The following RAG1 variants were observed in gnomAD, a reference collection of about 807,000 sequenced individuals.
RAG1 encodes the protein recombination activating 1.
RAG1 carries 35 observed loss-of-function variants against 62.7 expected under a neutral mutation model. That is an observed-to-expected ratio of 0.56 (90% CI 0.43 to 0.74). The LOEUF is 0.74. RAG1 is among the 30% of genes least tolerant of loss of function. The pLI, the probability that RAG1 is intolerant of heterozygous loss-of-function variation, is 0.00. For missense variants in RAG1, 1,169 were observed against 1,278.6 expected, an observed-to-expected ratio of 0.91 and a Z score of 1.31; for synonymous variants, 461 against 470.3, an observed-to-expected ratio of 0.98 and a Z score of 0.26.
chr11:36,538,460 G>A (rs1264471476), downstream of RAG1, among the ~76,000 whole-genome samples: 2 of 152,142 alleles, frequency 1.3e-5, no homozygotes, highest in Non-Finnish European at 2.9e-5. Context: ...TATTCGATAG[G>A]TTATTATTTG....
chr11:36,559,159 C>T (rs1590690422), intron 3 of RAG1, among the ~76,000 whole-genome samples: 1 of 152,128 alleles, frequency 6.6e-6, no homozygotes, highest in African/African-American at 2.4e-5. Context: ...AGCACTTTGA[C>T]TATATTATCA....
chr11:36,572,469 C>G (rs1850763064), intron 1 of RAG1, among the ~76,000 whole-genome samples: 1 of 152,170 alleles, frequency 6.6e-6, no homozygotes, highest in African/African-American at 2.4e-5. Context: ...TGCTAATGAC[C>G]ATCGACCAAC....
Position 36,548,335 on chromosome 11 carries a change from G to T in RAG1, c.-412+12301G>T, listed in dbSNP as rs577798473. On this transcript the variant is annotated intron_variant and NMD_transcript_variant, in intron 3 of 9. Coordinates refer to the RAG1 transcript ENST00000534663. ...AGATGGGAAGAGAGGAAGTCAAATT[G>T]TCTCTGTTTGCAGATGACATGATTG... is the stretch of plus-strand genomic sequence containing the variant. Among the ~76,000 whole-genome samples, 72 of 152,294 alleles carry T rather than the reference G, an allele frequency of 4.7e-4. No homozygotes were observed. The South Asian group carries it at 0.015, about 31-fold the overall frequency.
chr11:36,549,597 T>G (rs1452054657), intron 3 of RAG1, among the ~76,000 whole-genome samples: 1 of 152,166 alleles, frequency 6.6e-6, no homozygotes, highest in Non-Finnish European at 1.5e-5. Context: ...ATGGCGATCA[T>G]TAAAACGTCA....
At chr11:36,537,404 C>G (rs1159282591), downstream of RAG1, among the ~76,000 whole-genome samples, 1 of 152,112 alleles carries the variant, frequency 6.6e-6, no homozygotes, top group Non-Finnish European at 1.5e-5. Context: ...GGTGTATATA[C>G]ATGTCAAAAC....
intron 2 of RAG1, among the ~76,000 whole-genome samples, chr11:36,535,635 T>C (rs1441982056): frequency 6.6e-6 from 1 of 152,054 alleles, no homozygotes; most frequent in Non-Finnish European, 1.5e-5. Flanking sequence ...TCCCAGCTAC[T>C]CAGGAGGCTG....
chr11:36,534,648 A>G lies in RAG1; in HGVS notation n.429-1311A>G, dbSNP rs115080795. Among the ~76,000 whole-genome samples the G allele has an allele frequency of 1.8e-3, 280 of 152,346 alleles. 1 individual carries two copies. The highest frequency in any genetic ancestry group is 6.3e-3 in the African/African-American group (264 of 41,582). ...GAAATAGATTCTACTTCTTGTTGAG[A>G]GGATGTGCAAAGTTACATTGCAAAA... On this transcript the variant is annotated intron_variant and non_coding_transcript_variant, in intron 2 of 2. Coordinates refer to the RAG1 transcript ENST00000529126.
At chr11:36,560,613 A>G (rs1313355410) in intron 3 of RAG1, among the ~76,000 whole-genome samples, 1 of 152,052 alleles carries the variant, frequency 6.6e-6, no homozygotes, top group Non-Finnish European at 1.5e-5. Context: ...ACCCAGCATG[A>G]TTTCCTACTC....
chr11:36,521,799 G>A (rs1345024578), intron 2 of RAG1, among the ~76,000 whole-genome samples: 1 of 152,182 alleles, frequency 6.6e-6, no homozygotes, highest in Non-Finnish European at 1.5e-5. Flanking sequence ...GGCTGAGGTG[G>A]TATCAGATGG....
rs1269525736 is a variant in RAG1 at position 36,575,143 on chromosome 11, G to C, written c.1839G>C (p.Gly613=). The change falls in exon 2 of 2, where the codon GGG becomes GGC. Residue 613 remains glycine (G), a synonymous_variant. Coordinates refer to ENST00000299440, the MANE Select transcript of RAG1 (RefSeq NM_000448.3). This position sits in a 1 kb window ranked among gnomAD's most constrained non-coding sequence, Gnocchi z 4.1. The stretch of plus-strand genomic sequence containing the variant: ...TGGGAGACGTGAGTGAGAAGCATGG[G>C]AGTGGGCCTGTAGTTCCAGAAAAGG... The part of the protein sequence containing the change: ...DGMGDVSEKH[G]SGPVVPEKAV... 1 of 1,614,056 alleles carries C rather than the reference G, an allele frequency of 6.2e-7. No individual in the cohort carries two copies. Among genetic ancestry groups the C allele is most frequent in the Non-Finnish European group, 8.5e-7 (1 of 1,180,024 alleles).
intron 1 of RAG1, among the ~76,000 whole-genome samples, chr11:36,516,703 T>C (rs190273151): frequency 1.3e-5 from 2 of 152,340 alleles, no homozygotes; most frequent in Non-Finnish European, 2.9e-5. Flanking sequence ...TCTTTGTACC[T>C]TCCCTTCTGG....
At position 36,574,887 on chromosome 11, in the gene RAG1, A is replaced by G; in HGVS notation, c.1583A>G (p.Asn528Ser). ...TTTGAGTGGCAGCCACCTCTGAAGA[A>G]TGTGTCTTCCAGCACTGATGTTGGC... Reference protein sequence around the residue: ...HHFEWQPPLKNVSSSTDVGII... With the variant: ...HHFEWQPPLKSVSSSTDVGII... Residue 528 changes from asparagine to serine, a missense_variant, in exon 2 of 2, where the codon AAT (asparagine) becomes AGT (serine). Transcript: ENST00000299440. 6.2e-7 allele frequency: 1 copy of G among 1,614,216 alleles called. No individual in the cohort carries two copies. Among genetic ancestry groups the G allele is most frequent in the Non-Finnish European group, 8.5e-7 (1 of 1,180,034 alleles).
At chr11:36,514,240 A>G (rs890470017) in intron 1 of RAG1, among the ~76,000 whole-genome samples, 1 of 152,212 alleles carries the variant, frequency 6.6e-6, no homozygotes. Context: ...CAATCTCACA[A>G]GAGACCCTAA....
At position 36,531,102 on chromosome 11, in the gene RAG1, ATTTTC is replaced by A. The variant is rs774071096; in HGVS notation, n.429-4853_429-4849del. 2.0e-4 allele frequency among the ~76,000 whole-genome samples: 31 copies of A among 151,450 alleles called. 1 individual carries two copies. The highest frequency in any genetic ancestry group is 4.0e-4 in the Non-Finnish European group (27 of 67,760). On this transcript the variant is annotated intron_variant and non_coding_transcript_variant, in intron 2 of 2. Transcript: ENST00000529126. ...ATAAGCTCCCTCTTTGTGTTTGGTA[ATTTTC>A]TTTACTTTGCATCTATTTTATCTGC...
rs376901369 is a variant in RAG1, at chr11:36,574,602, T to C, written c.1298T>C (p.Val433Ala). The change falls in exon 2 of 2, where the codon GTG (valine) becomes GCG (alanine). Residue 433 changes from valine to alanine, a missense_variant. Physicochemically the swap from Val to Ala is moderately conservative, Grantham distance 64. Around this residue, in one of 2 missense-constraint regions of RAG1, gnomAD observed 800 missense variants for 943.3 expected, o/e 0.85. Transcript: ENST00000299440. ...GAAGAAGGTGGAGATGTGAAGTCCG[T>C]GTGCATGACCTTGTTCCTGCTGGCT... The part of the protein sequence containing the change: ...DKEEGGDVKS[V>A]CMTLFLLALR... The C allele has an allele frequency of 1.2e-6, 2 of 1,614,110 alleles. No homozygotes were observed. Among genetic ancestry groups the C allele is most frequent in the Non-Finnish European group, 1.7e-6 (2 of 1,180,052 alleles).
Position 36,573,609 on chromosome 11 carries a change from T to C in RAG1, c.305T>C (p.Ile102Thr). 3 of 1,614,130 alleles carry C rather than the reference T, an allele frequency of 1.9e-6. No homozygotes were observed. The highest frequency in any genetic ancestry group is 2.5e-6 in the Non-Finnish European group (3 of 1,180,034). ...AACGAGAAAGCAAGAGGCAAAGCGA[T>C]CCATCAAGCCAACCTTCGACATCTC... ...HDNEKARGKA[I>T]HQANLRHLCR... is the part of the protein sequence containing the mutation. The change falls in exon 2 of 2, where the codon ATC (isoleucine) becomes ACC (threonine). Residue 102 changes from isoleucine to threonine, a missense_variant. Transcript: ENST00000299440.
upstream of RAG1, chr11:36,510,413 T>G (rs1395859903): frequency 6.6e-6 from 1 of 152,514 alleles, no homozygotes; most frequent in Non-Finnish European, 1.5e-5. Flanking sequence ...AGCCTGGCTT[T>G]CTTCCTGCTC....
chr11:36,531,020 T>C (rs912538252), intron 2 of RAG1, among the ~76,000 whole-genome samples: 4 of 151,552 alleles, frequency 2.6e-5, no homozygotes. Flanking sequence ...GTTTGGTGCA[T>C]ACACATTTAG....
chr11:36,519,652 C>T (rs1365726799), intron 1 of RAG1, among the ~76,000 whole-genome samples: 4 of 152,048 alleles, frequency 2.6e-5, no homozygotes, highest in Non-Finnish European at 5.9e-5. Flanking sequence ...ATTGGTAGGC[C>T]AAAGGCTGTG....
Sources: allele counts gnomAD v4.1 joint callset (sites outside exome capture counted in the v4.1 genomes callset), GRCh38; gene constraint gnomAD v4.1.1; regional missense constraint gnomAD v4.1.1; non-coding constraint Gnocchi (gnomAD v3.1); transcripts MANE v1.5; gene names NCBI Gene and HGNC (gene_info 2026-07-23, HGNC 2026-07-21).